WDR33: variants seen among roughly 807,000 people sequenced by gnomAD.
WDR33 encodes the protein WD repeat domain 33.
WDR33 carries 47 observed loss-of-function variants against 164.9 expected under a neutral mutation model. The observed-to-expected ratio is 0.29, with a 90% CI of 0.23 to 0.36. The LOEUF (loss-of-function observed/expected upper bound fraction) is 0.36. Among genes scored for constraint, WDR33 ranks in the 10% least tolerant of loss-of-function variants. The pLI is 1.00. For missense variants in WDR33, 1,137 were observed against 1,754.1 expected (o/e 0.65, Z 6.28); for synonymous variants, 505 against 589.0 (o/e 0.86, Z 2.06).
intron 1 of WDR33, among the ~76,000 whole-genome samples, chr2:127,783,794 C>T (rs1360478499): frequency 2.0e-5 from 3 of 151,488 alleles, no homozygotes; most frequent in African/African-American, 7.3e-5. Flanking sequence ...TTAGTAGAGA[C>T]AAGGTTTCAC....
Position 127,763,997 on chromosome 2 carries a change from GAT to G in WDR33, c.626+829_626+830del. ...GTATGAACAAATGACTACAGTGGAT[GAT>G]GTTTCCATAAAGATGTCAACCTCCT... is the stretch of plus-strand genomic sequence containing the variant. On this transcript the variant is annotated intron_variant, in intron 6 of 21. Coordinates refer to ENST00000322313, the MANE Select transcript of WDR33 (RefSeq NM_018383.5). This position sits in a 1 kb window ranked among gnomAD's most constrained non-coding sequence, Gnocchi z 4.5. 1 of 986,156 alleles carries G rather than the reference GAT, an allele frequency of 1.0e-6. No individual in the cohort carries two copies. Among genetic ancestry groups the G allele is most frequent in the Non-Finnish European group, 1.2e-6 (1 of 830,514 alleles). The allele number at this position is 986,156 out of a possible 1,614,324, so 61.1% of individuals were successfully genotyped here. A position where few individuals can be genotyped will look rare whatever the true frequency, so the allele number is the denominator to read the frequency against.
intron 1 of WDR33, among the ~76,000 whole-genome samples, chr2:127,801,652 G>A (rs1689249508): frequency 6.6e-6 from 1 of 152,120 alleles, no homozygotes; most frequent in Non-Finnish European, 1.5e-5. Context: ...TGGAGCGGAG[G>A]CATGTGCATC....
Position 127,719,658 on chromosome 2 carries a change from G to T in WDR33, c.2367C>A (p.Gly789=). 6.2e-7 allele frequency: 1 copy of T among 1,613,642 alleles called. No homozygotes were observed. The highest frequency in any genetic ancestry group is 1.7e-4 in the Middle Eastern group (1 of 6,054). ...GAGCAGGACCCTGGTTCTCCCGGGG[G>T]CCTGGAGGCCCCTGCATTCCTCTTG... ...LNPRGMQGPP[G]PRENQGPAPQ... is the part of the protein sequence containing the mutation. Residue 789 remains glycine, a synonymous_variant, in exon 16 of 22, where the codon GGC becomes GGA. Transcript: ENST00000322313. This position sits in a 1 kb window ranked among gnomAD's most constrained non-coding sequence, Gnocchi z 6.5.
Position 127,752,617 on chromosome 2 carries a change from AAAAG to A in WDR33, c.724+10441_724+10444del, listed in dbSNP as rs1474463713. 8.2e-4 allele frequency among the ~76,000 whole-genome samples: 124 copies of A among 151,432 alleles called. 1 individual carries two copies. Among genetic ancestry groups the A allele is most frequent in the Non-Finnish European group, 1.6e-3 (110 of 67,732 alleles). On this transcript the variant is annotated intron_variant, in intron 7 of 21. Coordinates refer to ENST00000322313, the MANE Select transcript of WDR33 (RefSeq NM_018383.5). ...GTCTCAAAAAAAAAAAAAAAAAAAA[AAAAG>A]AAACAGTCTAGGCACCAATGACAGC...
chr2:127,785,337 T>C (rs766053877), intron 1 of WDR33, among the ~76,000 whole-genome samples: 6 of 152,154 alleles, frequency 3.9e-5, no homozygotes, highest in East Asian at 1.9e-4. Context: ...CCAAAGTCCA[T>C]AGTACACATA....
chr2:127,723,087 A>G lies in WDR33; in HGVS notation c.1292-43T>C, dbSNP rs759122095. 1.4e-5 allele frequency: 22 copies of G among 1,526,980 alleles called. No homozygotes were observed. Among genetic ancestry groups the G allele is most frequent in the Non-Finnish European group, 1.9e-5 (21 of 1,123,482 alleles). The allele number at this position is 1,526,980 out of a possible 1,614,324, so 94.6% of individuals were successfully genotyped here. ...CCATTGTCAATAGAGAATTTACAAAAGTAGCGACTGATAAAATTAATGCTT... is the reference window on the plus strand; with the variant it reads ...CCATTGTCAATAGAGAATTTACAAAGGTAGCGACTGATAAAATTAATGCTT... On this transcript the variant is annotated intron_variant, in intron 12 of 21. Coordinates refer to ENST00000322313, the MANE Select transcript of WDR33 (RefSeq NM_018383.5). This position sits in a 1 kb window ranked among gnomAD's most constrained non-coding sequence, Gnocchi z 5.9.
chr2:127,761,535 A>G (rs1687677462), intron 7 of WDR33, among the ~76,000 whole-genome samples: 2 of 152,200 alleles, frequency 1.3e-5, no homozygotes. Flanking sequence ...AAATTATTTC[A>G]TTTTCTCTAA....
In WDR33 at chr2:127,735,550, A is replaced by G; in HGVS notation, c.725-8773T>C. On this transcript the variant is annotated intron_variant, in intron 7 of 21. Transcript: ENST00000322313. The surrounding 1 kb of genome is among the most constrained non-coding windows in gnomAD (Gnocchi z 4.3). ...TAATACAGGAAGAAAAAAGGCAAAC[A>G]AAGAATTCAAGTACCATCTTGTACA... 1 of 985,868 alleles carries G rather than the reference A, an allele frequency of 1.0e-6. No individual in the cohort carries two copies. Among genetic ancestry groups the G allele is most frequent in the Non-Finnish European group, 1.2e-6 (1 of 829,910 alleles). 61.1% of individuals were successfully genotyped at this position (985,868 alleles called of 1,614,324 possible).
In WDR33 at chr2:127,701,645, G is replaced by A. The variant is rs777162956; in HGVS notation, c.*4678C>T. 2.3e-6 allele frequency: 3 copies of A among 1,305,116 alleles called. No individual in the cohort carries two copies. Among genetic ancestry groups the A allele is most frequent in the Non-Finnish European group, 2.9e-6 (3 of 1,031,874 alleles). 80.8% of individuals were successfully genotyped at this position (1,305,116 alleles called of 1,614,324 possible). Reference sequence around the variant, plus strand: ...AGGCGGAGGAGCCCGGGGACCGGCCGGCGGAGGAGTGGCTGGGCCGCGCGG... The same window carrying A: ...AGGCGGAGGAGCCCGGGGACCGGCCAGCGGAGGAGTGGCTGGGCCGCGCGG... On this transcript the variant is annotated 3_prime_UTR_variant, in exon 22 of 22. Coordinates refer to ENST00000322313, the MANE Select transcript of WDR33 (RefSeq NM_018383.5).
At chr2:127,767,050 G>A (rs922873721) in intron 4 of WDR33, among the ~76,000 whole-genome samples, 2 of 152,256 alleles carry the variant, frequency 1.3e-5, no homozygotes, top group South Asian at 2.1e-4. Flanking sequence ...TGAGTGATGT[G>A]TCTACTGCCT....
intron 1 of WDR33, among the ~76,000 whole-genome samples, chr2:127,783,166 G>A (rs770946947): frequency 4.3e-4 from 66 of 152,296 alleles, no homozygotes; most frequent in Middle Eastern, 3.4e-3. Flanking sequence ...GGACTACTAA[G>A]CTATAAAATT....
At chr2:127,748,874 A>C in intron 7 of WDR33, among the ~76,000 whole-genome samples, 1 of 141,866 alleles carries the variant, frequency 7.0e-6, no homozygotes, top group Non-Finnish European at 1.5e-5. Context: ...CCTCCTAGGT[A>C]GCTGAAACTT....
chr2:127,737,298 A>G, intron 7 of WDR33: 3 of 985,442 alleles, frequency 3.0e-6, no homozygotes, highest in Non-Finnish European at 3.6e-6. Flanking sequence ...CCAGTGTCCC[A>G]CACATGCAGA....
At chr2:127,773,827 G>C (rs561484614) in intron 1 of WDR33, among the ~76,000 whole-genome samples, 3 of 151,978 alleles carry the variant, frequency 2.0e-5, no homozygotes, top group African/African-American at 7.3e-5. Context: ...GCAGTGGTGC[G>C]ATCTCGGCTC....
At position 127,797,529 on chromosome 2, in the gene WDR33, G is replaced by A. The variant is rs529257089; in HGVS notation, c.-24+13483C>T. Among the ~76,000 whole-genome samples the A allele has an allele frequency of 1.1e-4, 17 of 152,184 alleles. No individual in the cohort carries two copies. The South Asian group carries it at 3.5e-3, about 32-fold the overall frequency. ...ATATTAAGCCAAAAAACCCCTCCAA[G>A]CTATATTATGAAATGTTTTAGTGGC... On this transcript the variant is annotated intron_variant, in intron 1 of 21. Transcript: ENST00000322313.
chr2:127,777,336 A>C (rs1342093902), intron 1 of WDR33, among the ~76,000 whole-genome samples: 1 of 152,196 alleles, frequency 6.6e-6, no homozygotes, highest in Non-Finnish European at 1.5e-5. Context: ...AGTAGTTTTC[A>C]GACTTTGTGG....
intron 5 of WDR33, 51 bp from the exon 6 acceptor site, chr2:127,765,030 T>C (rs747595382): frequency 2.5e-6 from 4 of 1,596,830 alleles, no homozygotes; most frequent in Non-Finnish European, 3.4e-6. Flanking sequence ...AAAGAATATA[T>C]GACTAAAGGC....
In WDR33 at chr2:127,719,449, T is replaced by G. The variant is rs1031531879; in HGVS notation, c.2576A>C (p.Gln859Pro). Residue 859 changes from glutamine to proline, a missense_variant, in exon 16 of 22, where the codon CAA becomes CCA. By Grantham distance (76) the Gln-to-Pro change is moderately conservative (BLOSUM62 -1). Around this residue, in one of 9 missense-constraint regions of WDR33, gnomAD observed 867 missense variants for 1,073.0 expected, o/e 0.81. Coordinates refer to ENST00000322313, the MANE Select transcript of WDR33 (RefSeq NM_018383.5). The surrounding 1 kb of genome is among the most constrained non-coding windows in gnomAD (Gnocchi z 6.5). ...PQELRGPPGS[Q>P]SQQGPPQGSL... The stretch of plus-strand genomic sequence containing the variant: ...GCCCTGGGGCGGCCCCTGCTGACTT[T>G]GTGAGCCTGGAGGCCCTCGCAATTC... The G allele has an allele frequency of 1.3e-6, 2 of 1,578,302 alleles. No individual in the cohort carries two copies. Among genetic ancestry groups the G allele is most frequent in the African/African-American group, 2.7e-5 (2 of 73,434 alleles).
At position 127,714,287 on chromosome 2, in the gene WDR33, G is replaced by C. The variant is rs553337447; in HGVS notation, c.2870-266C>G. Among the ~76,000 whole-genome samples the C allele has an allele frequency of 6.6e-6, 1 of 152,270 alleles. No homozygotes were observed. Among genetic ancestry groups the C allele is most frequent in the African/African-American group, 2.4e-5 (1 of 41,552 alleles). The stretch of plus-strand genomic sequence containing the variant: ...ATCAGCAGCATCTGTCCATCTCTTA[G>C]TATACACTGGAAAAATGAGAGAGCC... On this transcript the variant is annotated intron_variant, in intron 17 of 21. Transcript: ENST00000322313. The surrounding 1 kb of genome is among the most constrained non-coding windows in gnomAD (Gnocchi z 4.3).
Sources: allele counts gnomAD v4.1 joint callset (sites outside exome capture counted in the v4.1 genomes callset), GRCh38; gene constraint gnomAD v4.1.1; regional missense constraint gnomAD v4.1.1; non-coding constraint Gnocchi (gnomAD v3.1); transcripts MANE v1.5; gene names NCBI Gene and HGNC (gene_info 2026-07-23, HGNC 2026-07-21).